GPR161: variants seen among roughly 807,000 people sequenced by gnomAD.
GPR161 encodes G-protein coupled receptor RE2.
In GPR161, 25 loss-of-function variants were observed where a neutral mutation model predicts 39.2. The observed-to-expected ratio is 0.64, with a 90% CI of 0.47 to 0.89. The LOEUF (loss-of-function observed/expected upper bound fraction) is 0.89. GPR161 is among the 40% of genes least tolerant of loss of function. GPR161 has a pLI of 0.00. For missense variants in GPR161, 547 were observed against 677.8 expected (o/e 0.81, Z 2.14); for synonymous variants, 286 against 276.6 (o/e 1.03, Z -0.34).
chr1:168,124,534 C>G (rs749068077), intron 1 of GPR161, among the ~76,000 whole-genome samples: 3 of 152,188 alleles, frequency 2.0e-5, no homozygotes, highest in Non-Finnish European at 4.4e-5. Flanking sequence ...GAGAGCAATT[C>G]TAATGGAAGC....
Position 168,084,405 on chromosome 1 carries a change from A to C in GPR161, c.*1126T>G, listed in dbSNP as rs1009921626. On this transcript the variant is annotated 3_prime_UTR_variant, in exon 6 of 6. Transcript: ENST00000682931. ...ATGATCTTGGAGACCATTCAATCCA[A>C]CTCCACTCTGTTTTCCCACTTTACA... The C allele has an allele frequency of 1.7e-5, 4 of 238,646 alleles. No homozygotes were observed. The Admixed American group carries it at 2.1e-4, about 13-fold the overall frequency. The allele number at this position is 238,646 out of a possible 1,614,324, so 14.8% of individuals were successfully genotyped here.
chr1:168,087,954 T>C (rs1379790284), intron 4 of GPR161: 1 of 402,566 alleles, frequency 2.5e-6, no homozygotes, highest in Non-Finnish European at 4.5e-6. Flanking sequence ...AAGTAGGGGG[T>C]TATCTGCCTC....
chr1:168,136,362 G>T (rs981791407), intron 1 of GPR161: 4 of 1,467,378 alleles, frequency 2.7e-6, no homozygotes, highest in Non-Finnish European at 3.6e-6. Context: ...GGCCCGCATC[G>T]GCAGAGTCCC....
intron 1 of GPR161, chr1:168,135,160 G>C (rs1017593114): frequency 8.3e-7 from 1 of 1,207,478 alleles, no homozygotes; most frequent in African/African-American, 1.5e-5. Flanking sequence ...ACAGGGCAGG[G>C]AGAAGCCCTG....
chr1:168,124,576 A>G lies in GPR161; in HGVS notation c.-45+12163T>C, dbSNP rs76971016. ...TTTTGGAACCTCAGAGAAGGTTGTTAGCTTGCCCACAGTCACTCAGCTAGT... is the reference window on the plus strand; with the variant it reads ...TTTTGGAACCTCAGAGAAGGTTGTTGGCTTGCCCACAGTCACTCAGCTAGT... On this transcript the variant is annotated intron_variant, in intron 1 of 5. Transcript: ENST00000682931. 7.2e-3 allele frequency among the ~76,000 whole-genome samples: 1,096 copies of G among 152,310 alleles called. 8 individuals are homozygous for G. The highest frequency in any genetic ancestry group is 0.04 in the South Asian group (191 of 4,826).
At chr1:168,129,061 G>A (rs531351156) in intron 1 of GPR161, among the ~76,000 whole-genome samples, 1 of 152,316 alleles carries the variant, frequency 6.6e-6, no homozygotes, top group African/African-American at 2.4e-5. Context: ...TGGGGATACA[G>A]ACAGTAAACA....
chr1:168,136,427 GC>G, intron 1 of GPR161: 1 of 1,350,990 alleles, frequency 7.4e-7, no homozygotes. Flanking sequence ...TTCGGGCGGC[GC>G]CGGAGAAACG....
chr1:168,100,071 G>A, intron 2 of GPR161, among the ~76,000 whole-genome samples: 1 of 151,796 alleles, frequency 6.6e-6, no homozygotes, highest in East Asian at 1.9e-4. Context: ...CAGGTATAGT[G>A]GTGTGTGCCT....
At chr1:168,128,351 C>T (rs1698743066) in intron 1 of GPR161, among the ~76,000 whole-genome samples, 1 of 152,162 alleles carries the variant, frequency 6.6e-6, no homozygotes, top group Non-Finnish European at 1.5e-5. Context: ...TGCCTGGAGA[C>T]ATTTTTGGTT....
chr1:168,129,493 G>A (rs1698831507), intron 1 of GPR161, among the ~76,000 whole-genome samples: 1 of 152,174 alleles, frequency 6.6e-6, no homozygotes, highest in African/African-American at 2.4e-5. Flanking sequence ...GCTGCTGGGT[G>A]AAGGGGGGAC....
chr1:168,092,826 C>G (rs1271496691), intron 3 of GPR161, among the ~76,000 whole-genome samples: 1 of 152,170 alleles, frequency 6.6e-6, no homozygotes, highest in Admixed American at 6.5e-5. Context: ...GAGGTGTTTT[C>G]CCCTGGACAA....
chr1:168,130,817 T>G (rs989317747), intron 1 of GPR161, among the ~76,000 whole-genome samples: 2 of 152,198 alleles, frequency 1.3e-5, no homozygotes, highest in Non-Finnish European at 2.9e-5. Flanking sequence ...ACATCTCTGC[T>G]GCTACCATCC....
At chr1:168,090,507 GAAACGCAACACAGGGA>G (rs745789065) in intron 4 of GPR161, 41 bp downstream of exon 4, 5 of 1,011,852 alleles carry the variant, frequency 4.9e-6, no homozygotes, top group African/African-American at 4.8e-5. Flanking sequence ...CGACACGGGG[GAAACGCAACACAGGGA>G]AAACGCGACA....
intron 1 of GPR161, among the ~76,000 whole-genome samples, chr1:168,121,348 T>C (rs889664522): frequency 2.0e-5 from 3 of 152,184 alleles, no homozygotes; most frequent in African/African-American, 7.2e-5. Context: ...CTGCAGTTTT[T>C]GTTGCGGCAT....
In GPR161 at chr1:168,087,646, G is replaced by A. The variant is rs2102098141; in HGVS notation, c.1263C>T (p.Cys421=). The part of the protein sequence containing the change: ...YTSDDNPPSH[C]TCPPKRRSSV... Reference sequence around the variant, plus strand: ...AGCTCCTTCTCTTGGGTGGGCAAGTGCAGTGAGAGGGAGGGTTGTCATCAG... The same window carrying A: ...AGCTCCTTCTCTTGGGTGGGCAAGTACAGTGAGAGGGAGGGTTGTCATCAG... The change falls in exon 5 of 6, where the codon TGC becomes TGT. Residue 421 remains cysteine, a synonymous_variant. Transcript: ENST00000682931. The A allele has an allele frequency of 1.2e-6, 2 of 1,613,886 alleles. No individual in the cohort carries two copies. Among genetic ancestry groups the A allele is most frequent in the Non-Finnish European group, 1.7e-6 (2 of 1,179,766 alleles).
At chr1:168,125,451 T>TGC (rs1267899660) in intron 1 of GPR161, among the ~76,000 whole-genome samples, 1 of 152,202 alleles carries the variant, frequency 6.6e-6, no homozygotes, top group Non-Finnish European at 1.5e-5. Flanking sequence ...GAAAGGCCAA[T>TGC]ATATAAGTGC....
Position 168,085,225 on chromosome 1 carries a change from A to G in GPR161, c.*306T>C. 2.2e-6 allele frequency: 1 copy of G among 447,802 alleles called. No individual in the cohort carries two copies. The highest frequency in any genetic ancestry group is 2.1e-5 in the South Asian group (1 of 46,996). The allele number at this position is 447,802 out of a possible 1,614,324, so 27.7% of individuals were successfully genotyped here. A position where few individuals can be genotyped will look rare whatever the true frequency, so the allele number is the denominator to read the frequency against. ...TTCGTCTCTGGTCCTCCCATGCCCC[A>G]CCTCCCAAAAAGCCACAGCCACATC... On this transcript the variant is annotated 3_prime_UTR_variant, in exon 6 of 6. Transcript: ENST00000682931.
intron 1 of GPR161, among the ~76,000 whole-genome samples, chr1:168,120,093 G>A (rs533831267): frequency 1.3e-5 from 2 of 152,302 alleles, no homozygotes; most frequent in Admixed American, 6.5e-5. Flanking sequence ...TAGATCCACT[G>A]ACAACTTGCA....
intron 1 of GPR161, among the ~76,000 whole-genome samples, chr1:168,109,141 C>T (rs1326355557): frequency 6.6e-6 from 1 of 152,138 alleles, no homozygotes; most frequent in African/African-American, 2.4e-5. Context: ...CTAGGAAGCA[C>T]TTCACAAGGT....
Sources: allele counts gnomAD v4.1 joint callset (sites outside exome capture counted in the v4.1 genomes callset), GRCh38; gene constraint gnomAD v4.1.1; transcripts MANE v1.5; gene names NCBI Gene and HGNC (gene_info 2026-07-23, HGNC 2026-07-21).